CCDC149: variants seen among roughly 807,000 people sequenced by gnomAD.
CCDC149 encodes coiled-coil domain containing 149, also known as coiled-coil domain-containing protein 149.
Under a neutral mutation model 59.9 loss-of-function variants are expected in CCDC149, and 45 were observed. The ratio of observed to expected loss-of-function variants is 0.75; its 90% CI spans 0.59 to 0.96. The LOEUF (loss-of-function observed/expected upper bound fraction) is 0.96, where lower values mean the gene tolerates loss of function less well. Among genes scored for constraint, CCDC149 ranks in the 40% least tolerant of loss-of-function variants. CCDC149 has a pLI of 0.00. For synonymous variants in CCDC149, 245 were observed against 260.6 expected (o/e 0.94, Z 0.58); for missense variants, 584 against 664.7 (o/e 0.88, Z 1.33).
intron 10 of CCDC149, 36 bp downstream of exon 10, chr4:24,822,461 A>G: frequency 3.6e-6 from 5 of 1,405,240 alleles, no homozygotes; most frequent in Non-Finnish European, 4.8e-6. Flanking sequence ...AAAGAAAAAA[A>G]AAAAAGGAAA....
rs1350256611 is a variant in CCDC149, at chr4:24,819,372, A to G, written c.1192+487T>C. ...AGTCTTGCTGTATTCCCCAGGCTGG[A>G]GTGTGGTGGCACAATCTTGGCTCAC... On this transcript the variant is annotated intron_variant, in intron 12 of 12. Coordinates refer to ENST00000635206, the MANE Select transcript of CCDC149 (RefSeq NM_001330643.2). 2.0e-5 allele frequency among the ~76,000 whole-genome samples: 3 copies of G among 152,076 alleles called. 1 individual carries two copies. Among genetic ancestry groups the G allele is most frequent in the Non-Finnish European group, 4.4e-5 (3 of 68,030 alleles).
intron 1 of CCDC149, among the ~76,000 whole-genome samples, chr4:24,953,717 T>C (rs1283538093): frequency 6.6e-6 from 1 of 152,196 alleles, no homozygotes; most frequent in African/African-American, 2.4e-5. Flanking sequence ...AAAGACCTGA[T>C]GCCAGCTCTA....
At chr4:24,841,972 G>T (rs1716965100) in intron 4 of CCDC149, among the ~76,000 whole-genome samples, 1 of 152,216 alleles carries the variant, frequency 6.6e-6, no homozygotes, top group Non-Finnish European at 1.5e-5. Context: ...CAATATCCCT[G>T]CTGGAGAGTG....
intron 3 of CCDC149, among the ~76,000 whole-genome samples, chr4:24,863,381 G>C (rs1325205059): frequency 6.6e-6 from 1 of 152,228 alleles, no homozygotes; most frequent in Non-Finnish European, 1.5e-5. Context: ...GAATCAAAGA[G>C]GTAGGCCACA....
At chr4:24,862,127 G>A (rs1718424570) in intron 3 of CCDC149, among the ~76,000 whole-genome samples, 1 of 152,216 alleles carries the variant, frequency 6.6e-6, no homozygotes, top group Non-Finnish European at 1.5e-5. Flanking sequence ...TGAAGTCACT[G>A]ATGACAAGTG....
chr4:24,820,194 A>C, intron 11 of CCDC149: 1 of 481,012 alleles, frequency 2.1e-6, no homozygotes, highest in Non-Finnish European at 3.7e-6. Context: ...CTTATCACTA[A>C]TTTAGTATTG....
chr4:24,965,070 G>T (rs1009945371), intron 1 of CCDC149, among the ~76,000 whole-genome samples: 1 of 151,138 alleles, frequency 6.6e-6, no homozygotes, highest in Admixed American at 6.6e-5. Flanking sequence ...TAAGCAGAAA[G>T]AAAATGATAA....
chr4:24,975,988 AAAG>A (rs1724174004), intron 1 of CCDC149, among the ~76,000 whole-genome samples: 1 of 147,532 alleles, frequency 6.8e-6, no homozygotes, highest in African/African-American at 2.5e-5. Context: ...GGGACAGGAA[AAAG>A]AAGGAGAAGG....
chr4:24,874,574 T>C (rs1284201934), intron 2 of CCDC149, among the ~76,000 whole-genome samples: 1 of 152,010 alleles, frequency 6.6e-6, no homozygotes, highest in Non-Finnish European at 1.5e-5. Flanking sequence ...AGAGTGAGAC[T>C]CTGTCTCACA....
In CCDC149 at chr4:24,952,006, T is replaced by C. The variant is rs565300204; in HGVS notation, c.-65+28063A>G. 9.9e-5 allele frequency among the ~76,000 whole-genome samples: 15 copies of C among 152,270 alleles called. No individual in the cohort carries two copies. The South Asian group carries it at 3.1e-3, about 32-fold the overall frequency. ...CAATTTTGAAAGGAGAGTCCTCTTT[T>C]TGTTGGGTGCTCATTGCCTTTGCTT... is the stretch of plus-strand genomic sequence containing the variant. On this transcript the variant is annotated intron_variant, in intron 1 of 12. Transcript: ENST00000389609.
chr4:24,872,075 GC>G lies in CCDC149; in HGVS notation c.264+1605del, dbSNP rs755751629. 2.0e-5 allele frequency among the ~76,000 whole-genome samples: 3 copies of G among 152,308 alleles called. No individual in the cohort carries two copies. In the East Asian group the frequency reaches 5.8e-4, roughly 29 times the overall value. On this transcript the variant is annotated intron_variant, in intron 3 of 12. Coordinates refer to ENST00000635206, the MANE Select transcript of CCDC149 (RefSeq NM_001330643.2). ...AGGAAGAGCAAAGTGAAGAAGGTTA[GC>G]CCAAAAAGATATTAGAAGTATTATA... is the stretch of plus-strand genomic sequence containing the variant.
At chr4:24,977,926 A>G (rs936235686) in intron 1 of CCDC149, among the ~76,000 whole-genome samples, 1 of 152,204 alleles carries the variant, frequency 6.6e-6, no homozygotes, top group African/African-American at 2.4e-5. Context: ...TGAGGTCAGG[A>G]GTTCAAGTCC....
In CCDC149 at chr4:24,837,322, C is replaced by T; in HGVS notation, c.568G>A (p.Asp190Asn). 6.2e-7 allele frequency: 1 copy of T among 1,614,162 alleles called. No homozygotes were observed. ...TCCTGGTTGAGCCTCTCCACTTTGT[C>T]CTGGTAGGAAGACCGTTCTTCTTTA... Residue 190 changes from aspartate (D) to asparagine (N), a missense_variant, in exon 6 of 13, where the codon GAC becomes AAC. Asp to Asn is a conservative substitution (Grantham distance 23, BLOSUM62 1). Transcript: ENST00000635206. The surrounding 1 kb of genome is among the most constrained non-coding windows in gnomAD (Gnocchi z 4.3).
chr4:24,916,107 C>G (rs1722112486), upstream of CCDC149, among the ~76,000 whole-genome samples: 1 of 152,208 alleles, frequency 6.6e-6, no homozygotes, highest in Admixed American at 6.5e-5. Context: ...ATGTGCCACC[C>G]TGTTACAAAG....
At chr4:24,949,260 C>T (rs1416992686) in intron 1 of CCDC149, among the ~76,000 whole-genome samples, 2 of 152,136 alleles carry the variant, frequency 1.3e-5, no homozygotes, top group African/African-American at 4.8e-5. Flanking sequence ...CAGATGCACT[C>T]GGAGACTTCT....
At chr4:24,857,993 G>A (rs1252452480) in intron 3 of CCDC149, among the ~76,000 whole-genome samples, 1 of 152,006 alleles carries the variant, frequency 6.6e-6, no homozygotes, top group Non-Finnish European at 1.5e-5. Context: ...TTCTGATATG[G>A]TGCCTAATTC....
At chr4:24,965,914 G>A (rs146760393) in intron 1 of CCDC149, among the ~76,000 whole-genome samples, 1,526 of 152,324 alleles carry the variant, frequency 0.01, 15 homozygotes, top group Non-Finnish European at 0.013. Context: ...GATCACCCAC[G>A]TAAGCTCATG....
intron 3 of CCDC149, among the ~76,000 whole-genome samples, chr4:24,869,304 A>G (rs140012081): frequency 2.1e-3 from 324 of 152,264 alleles, no homozygotes; most frequent in African/African-American, 7.5e-3. Flanking sequence ...GTTGGCAGTC[A>G]CGCTTCCGCT....
At chr4:24,886,125 G>A (rs1425841472) in intron 1 of CCDC149, among the ~76,000 whole-genome samples, 1 of 152,196 alleles carries the variant, frequency 6.6e-6, no homozygotes, top group Non-Finnish European at 1.5e-5. Context: ...ACTGTTACCT[G>A]GGTATATCAA....
Sources: gnomAD v4.1 joint callset for allele counts (sites outside exome capture counted in the v4.1 genomes callset) on GRCh38, gnomAD v4.1.1 for gene constraint, Gnocchi (gnomAD v3.1) non-coding constraint, MANE v1.5 for transcripts, NCBI Gene and HGNC (gene_info 2026-07-23, HGNC 2026-07-21) for gene names.